Variants in RNF168 observed in about 807,000 individuals in gnomAD.
RNF168 encodes the protein ring finger protein 168.
Under a neutral mutation model 34.9 loss-of-function variants are expected in RNF168, and 34 were observed. That is an observed-to-expected ratio of 0.97 (90% CI 0.74 to 1.30). The LOEUF (loss-of-function observed/expected upper bound fraction) is 1.30, where lower values mean the gene tolerates loss of function less well. Ranked by LOEUF, RNF168 falls within the 50% of genes most tolerant of loss-of-function variation. The pLI is 0.00. For missense variants in RNF168, 725 were observed against 682.5 expected (o/e 1.06, Z -0.69); for synonymous variants, 264 against 254.7 (o/e 1.04, Z -0.35).
chr3:196,503,121 A>C lies in RNF168; in HGVS notation c.53T>G (p.Ile18Ser). The change falls in exon 1 of 6, where the codon ATC (isoleucine) becomes AGC (serine). Residue 18 changes from isoleucine (I) to serine (S), a missense_variant. Ile to Ser is a moderately radical substitution (Grantham distance 142, BLOSUM62 -2). Coordinates refer to ENST00000318037, the MANE Select transcript of RNF168 (RefSeq NM_152617.4). ...IPSLSECQCG[I>S]CMEILVEPVT... ...GGGCTCCACGAGGATTTCCATGCAGATCCCGCACTGGCACTCGGACAGCGA... is the reference window on the plus strand; with the variant it reads ...GGGCTCCACGAGGATTTCCATGCAGCTCCCGCACTGGCACTCGGACAGCGA... 1 of 1,614,148 alleles carries C rather than the reference A, an allele frequency of 6.2e-7. No individual in the cohort carries two copies. Among genetic ancestry groups the C allele is most frequent in the Non-Finnish European group, 8.5e-7 (1 of 1,180,024 alleles).
chr3:196,484,463 C>T lies in RNF168; in HGVS notation c.559-572G>A, dbSNP rs77711592. Among the ~76,000 whole-genome samples the T allele has an allele frequency of 3.0e-3, 420 of 140,696 alleles. 2 individuals are homozygous for T. Among genetic ancestry groups the T allele is most frequent in the African/African-American group, 0.011 (390 of 36,726 alleles). 92.3% of individuals were successfully genotyped at this position (140,696 alleles called of 152,430 possible). A position where few individuals can be genotyped will look rare whatever the true frequency, so the allele number is the denominator to read the frequency against. On this transcript the variant is annotated intron_variant, in intron 3 of 5. Transcript: ENST00000318037. ...TGCTGGGATTACAGGCATGAGGCAC[C>T]GCGCCCGGCCTTTTTTTTTTTTTTT...
intron 2 of RNF168, among the ~76,000 whole-genome samples, chr3:196,488,166 C>T (rs2108650519): frequency 6.6e-6 from 1 of 152,166 alleles, no homozygotes; most frequent in African/African-American, 2.4e-5. Flanking sequence ...AAAAACAAAG[C>T]CCTTATAAAG....
At chr3:196,500,026 G>A (rs1178805799) in intron 1 of RNF168, among the ~76,000 whole-genome samples, 1 of 152,176 alleles carries the variant, frequency 6.6e-6, no homozygotes, top group Non-Finnish European at 1.5e-5. Context: ...AGGGTGCAGA[G>A]AAACTGGACA....
At chr3:196,492,765 G>A (rs969775095) in intron 1 of RNF168, among the ~76,000 whole-genome samples, 9 of 151,602 alleles carry the variant, frequency 5.9e-5, no homozygotes, top group Admixed American at 2.0e-4. Context: ...GTGACAGAGA[G>A]AGACTCCATC....
intron 4 of RNF168, among the ~76,000 whole-genome samples, chr3:196,476,473 T>C (rs188818930): frequency 3.5e-4 from 53 of 151,366 alleles, no homozygotes; most frequent in African/African-American, 1.2e-3. Context: ...CTGGAGTGCA[T>C]TGGTGCAATC....
At chr3:196,500,014 C>T (rs73219647) in intron 1 of RNF168, among the ~76,000 whole-genome samples, 10,232 of 152,182 alleles carry the variant, frequency 0.067, 411 homozygotes, top group Middle Eastern at 0.2. Context: ...CAAGTGTTGG[C>T]GAGGGTGCAG....
chr3:196,475,608 T>C (rs1216865176), intron 4 of RNF168, among the ~76,000 whole-genome samples: 1 of 148,008 alleles, frequency 6.8e-6, no homozygotes, highest in African/African-American at 2.5e-5. Flanking sequence ...TGGAGTGCAG[T>C]GGTGTGATCT....
intron 1 of RNF168, among the ~76,000 whole-genome samples, chr3:196,502,522 A>T (rs956118680): frequency 8.0e-5 from 12 of 150,422 alleles, no homozygotes; most frequent in African/African-American, 2.9e-4. Context: ...CGGGAGGCGG[A>T]GGTTGCAGGG....
intron 1 of RNF168, among the ~76,000 whole-genome samples, chr3:196,502,620 A>G (rs1459723439): frequency 6.6e-6 from 1 of 151,808 alleles, no homozygotes; most frequent in African/African-American, 2.4e-5. Flanking sequence ...CAGACGGGCA[A>G]TTCTTTAATT....
rs73891257 is a variant in RNF168 at position 196,486,282 on chromosome 3, T to C, written c.558+1117A>G. Among the ~76,000 whole-genome samples the C allele has an allele frequency of 8.4e-3, 1,277 of 152,274 alleles. 20 individuals carry two copies. Among genetic ancestry groups the C allele is most frequent in the African/African-American group, 0.029 (1,191 of 41,552 alleles). Reference sequence around the variant, plus strand: ...GAAAAATCTCTACGATGTTATCAAGTGGAAAAAATGTAAGCAGCAAAACAG... The same window carrying C: ...GAAAAATCTCTACGATGTTATCAAGCGGAAAAAATGTAAGCAGCAAAACAG... On this transcript the variant is annotated intron_variant, in intron 3 of 5. Coordinates refer to ENST00000318037, the MANE Select transcript of RNF168 (RefSeq NM_152617.4).
In RNF168 at chr3:196,498,855, C is replaced by T. The variant is rs148291188; in HGVS notation, c.301+4018G>A. 5.3e-3 allele frequency among the ~76,000 whole-genome samples: 813 copies of T among 151,982 alleles called. 10 individuals are homozygous for T. The highest frequency in any genetic ancestry group is 0.018 in the African/African-American group (760 of 41,462). On this transcript the variant is annotated intron_variant, in intron 1 of 5. Coordinates refer to ENST00000318037, the MANE Select transcript of RNF168 (RefSeq NM_152617.4). The stretch of plus-strand genomic sequence containing the variant: ...ACTAAAAATACAAAAATTAGCCAGG[C>T]ATGGTGGTGCGTGCCTGTAATCCCA...
intron 5 of RNF168, among the ~76,000 whole-genome samples, chr3:196,474,497 G>A (rs1318498200): frequency 1.3e-5 from 2 of 149,060 alleles, no homozygotes; most frequent in Non-Finnish European, 3.0e-5. Flanking sequence ...GTCCAGGCTG[G>A]AGGGCAACGG....
intron 1 of RNF168, among the ~76,000 whole-genome samples, chr3:196,499,632 C>T (rs1732832374): frequency 6.6e-6 from 1 of 152,022 alleles, no homozygotes; most frequent in Non-Finnish European, 1.5e-5. Context: ...ACCATCCTGA[C>T]CAACACAGCA....
At chr3:196,482,242 T>C (rs1732310127) in intron 4 of RNF168, among the ~76,000 whole-genome samples, 1 of 152,202 alleles carries the variant, frequency 6.6e-6, no homozygotes, top group African/African-American at 2.4e-5. Flanking sequence ...TTTAGAAATT[T>C]TTCTTAATTT....
intron 1 of RNF168, among the ~76,000 whole-genome samples, chr3:196,491,267 T>C (rs1161187394): frequency 6.9e-6 from 1 of 144,468 alleles, no homozygotes; most frequent in Non-Finnish European, 1.5e-5. Flanking sequence ...GAGCCGACAT[T>C]GCACCACTAC....
chr3:196,476,725 CTT>C (rs1732158718), intron 4 of RNF168, among the ~76,000 whole-genome samples: 1 of 150,650 alleles, frequency 6.6e-6, no homozygotes, highest in African/African-American at 2.4e-5. Flanking sequence ...CCTCAACTCT[CTT>C]CTTAGAAACA....
At chr3:196,475,003 T>C (rs1732108366) in intron 5 of RNF168, 1 of 504,820 alleles carries the variant, frequency 2.0e-6, no homozygotes, top group Non-Finnish European at 3.6e-6. Context: ...AAGGCGAAAA[T>C]ATTCACTCTC....
At chr3:196,480,694 G>C (rs1387064044) in intron 4 of RNF168, among the ~76,000 whole-genome samples, 1 of 152,184 alleles carries the variant, frequency 6.6e-6, no homozygotes, top group African/African-American at 2.4e-5. Flanking sequence ...CCAGGCTGGA[G>C]TGCAGTGGTA....
chr3:196,496,444 C>T (rs1010950797), intron 1 of RNF168, among the ~76,000 whole-genome samples: 1 of 152,092 alleles, frequency 6.6e-6, no homozygotes, highest in East Asian at 1.9e-4. Flanking sequence ...TCCTTCTGTG[C>T]GTGTCTGTCT....
Sources: allele counts gnomAD v4.1 joint callset (sites outside exome capture counted in the v4.1 genomes callset), GRCh38; gene constraint gnomAD v4.1.1; transcripts MANE v1.5; gene names NCBI Gene and HGNC (gene_info 2026-07-23, HGNC 2026-07-21).